The following TMEM150C variants were observed in gnomAD, a reference collection of about 807,000 sequenced individuals.
TMEM150C encodes the protein tentonin 3.
A neutral mutation model predicts 29.9 loss-of-function variants in TMEM150C; 10 were observed. The ratio of observed to expected loss-of-function variants is 0.33; its 90% confidence interval spans 0.21 to 0.57. TMEM150C has a LOEUF of 0.57. Ranked by LOEUF, TMEM150C falls within the 20% of genes least tolerant of loss-of-function variation. The pLI is 0.88. For missense variants in TMEM150C, 251 were observed against 303.6 expected (o/e 0.83, Z 1.29); for synonymous variants, 101 against 112.5 (o/e 0.90, Z 0.64).
At chr4:82,515,818 A>C (rs536655129) in intron 1 of TMEM150C, among the ~76,000 whole-genome samples, 23 of 152,052 alleles carry the variant, frequency 1.5e-4, no homozygotes, top group South Asian at 4.2e-4. Flanking sequence ...TAAGGCAAAA[A>C]CAAACAAACC....
intron 1 of TMEM150C, among the ~76,000 whole-genome samples, chr4:82,506,602 C>T (rs186098006): frequency 3.9e-5 from 6 of 152,232 alleles, no homozygotes; most frequent in South Asian, 4.2e-4. Context: ...CTAATGAATA[C>T]GACTATTTAT....
At chr4:82,540,892 C>T (rs1257116809) in intron 1 of TMEM150C, among the ~76,000 whole-genome samples, 1 of 152,160 alleles carries the variant, frequency 6.6e-6, no homozygotes, top group Non-Finnish European at 1.5e-5. Context: ...TTGTCATTAG[C>T]TCTAGTCACC....
chr4:82,486,566 C>T (rs998028381), intron 7 of TMEM150C, among the ~76,000 whole-genome samples: 1 of 151,808 alleles, frequency 6.6e-6, no homozygotes, highest in African/African-American at 2.4e-5. Flanking sequence ...AGTTTCATTC[C>T]TCGTATCACG....
chr4:82,559,939 A>T (rs754754966), intron 1 of TMEM150C, among the ~76,000 whole-genome samples: 4 of 152,160 alleles, frequency 2.6e-5, no homozygotes, highest in Non-Finnish European at 5.9e-5. Flanking sequence ...TGTACTAAAG[A>T]GGTGTGGGTC....
chr4:82,541,109 T>C (rs1725186777), intron 1 of TMEM150C, among the ~76,000 whole-genome samples: 1 of 152,202 alleles, frequency 6.6e-6, no homozygotes, highest in Admixed American at 6.5e-5. Context: ...AGTGCAGGGT[T>C]TGGCACATAC....
chr4:82,484,728 CTA>C lies in TMEM150C; in HGVS notation c.*781_*782del, dbSNP rs934942874. On this transcript the variant is annotated 3_prime_UTR_variant, in exon 8 of 8. Coordinates refer to ENST00000449862, the MANE Select transcript of TMEM150C (RefSeq NM_001080506.3). ...ACTCATGGTAGTTACTTAAAAGAAACTATGAAATATAAAACATTGTACATGGC... is the reference window on the plus strand; with the variant it reads ...ACTCATGGTAGTTACTTAAAAGAAACTGAAATATAAAACATTGTACATGGC... 6.6e-6 allele frequency: 1 copy of C among 152,174 alleles called. No homozygotes were observed. Among genetic ancestry groups the C allele is most frequent in the African/African-American group, 2.4e-5 (1 of 41,436 alleles). The allele number at this position is 152,174 out of a possible 1,614,324, so 9.4% of individuals were successfully genotyped here.
intron 1 of TMEM150C, among the ~76,000 whole-genome samples, chr4:82,550,397 C>T (rs1194325026): frequency 1.3e-5 from 2 of 152,100 alleles, no homozygotes; most frequent in South Asian, 2.1e-4. Flanking sequence ...CTTTATAGCA[C>T]TGTGAAAACA....
chr4:82,539,183 T>C (rs1725117394), intron 1 of TMEM150C, among the ~76,000 whole-genome samples: 1 of 152,182 alleles, frequency 6.6e-6, no homozygotes, highest in South Asian at 2.1e-4. Context: ...TTTTTCAAAC[T>C]CTTTTTCAAA....
rs571687452 is a variant in TMEM150C at position 82,486,096 on chromosome 4, G to T, written c.542-377C>A. 7.9e-5 allele frequency among the ~76,000 whole-genome samples: 12 copies of T among 152,048 alleles called. No individual in the cohort carries two copies. The South Asian group carries it at 2.3e-3, about 29-fold the overall frequency. ...CAAATGGGTAAGTAACTTGCCTGAG[G>T]TCACACAGGTATTAATTGGCTGAGC... On this transcript the variant is annotated intron_variant, in intron 7 of 7. Transcript: ENST00000449862.
At chr4:82,544,644 A>G (rs553735728) in intron 1 of TMEM150C, among the ~76,000 whole-genome samples, 12 of 152,266 alleles carry the variant, frequency 7.9e-5, no homozygotes, top group African/African-American at 2.9e-4. Flanking sequence ...CCAAGTGTGG[A>G]GGTGCACACC....
intron 2 of TMEM150C, 134 bp from the exon 3 acceptor site, chr4:82,503,246 A>G: frequency 3.0e-6 from 2 of 672,126 alleles, no homozygotes; most frequent in South Asian, 4.1e-5. Flanking sequence ...ACAATTCTTT[A>G]CCCATAGATC....
chr4:82,532,059 A>G (rs1477138841), intron 1 of TMEM150C, among the ~76,000 whole-genome samples: 1 of 152,230 alleles, frequency 6.6e-6, no homozygotes, highest in Non-Finnish European at 1.5e-5. Flanking sequence ...AATAGTTCAA[A>G]GAACAGTCAG....
intron 7 of TMEM150C, among the ~76,000 whole-genome samples, chr4:82,486,846 C>G (rs909122404): frequency 5.9e-5 from 9 of 151,742 alleles, no homozygotes; most frequent in African/African-American, 1.9e-4. Flanking sequence ...ATATACACAA[C>G]AGAATAAATG....
chr4:82,549,472 A>T (rs1259615953), intron 1 of TMEM150C, among the ~76,000 whole-genome samples: 2 of 152,172 alleles, frequency 1.3e-5, no homozygotes, highest in African/African-American at 4.8e-5. Flanking sequence ...GTAGGAGGAT[A>T]TGGGGAGTTG....
At chr4:82,507,868 C>T (rs1202524696) in intron 1 of TMEM150C, among the ~76,000 whole-genome samples, 1 of 150,706 alleles carries the variant, frequency 6.6e-6, no homozygotes, top group Non-Finnish European at 1.5e-5. Context: ...CCACCTCAGC[C>T]CCCAAGTAGC....
At chr4:82,527,764 C>T (rs1226472628) in intron 1 of TMEM150C, among the ~76,000 whole-genome samples, 1 of 152,142 alleles carries the variant, frequency 6.6e-6, no homozygotes, top group Non-Finnish European at 1.5e-5. Context: ...AGCTCAAATC[C>T]CTGTAAACTG....
intron 6 of TMEM150C, among the ~76,000 whole-genome samples, chr4:82,494,181 G>T (rs1451936369): frequency 6.6e-6 from 1 of 152,210 alleles, no homozygotes; most frequent in Non-Finnish European, 1.5e-5. Context: ...TGCCCTCAAG[G>T]AGGAAGTTTC....
At chr4:82,511,472 ATTTTTT>A (rs397935719) in intron 1 of TMEM150C, among the ~76,000 whole-genome samples, 1 of 106,390 alleles carries the variant, frequency 9.4e-6, no homozygotes, top group South Asian at 3.1e-4. Flanking sequence ...TCCCAACACT[ATTTTTT>A]TTTTTTTTTT....
intron 1 of TMEM150C, among the ~76,000 whole-genome samples, chr4:82,548,005 C>T (rs149859807): frequency 9.2e-5 from 14 of 152,254 alleles, no homozygotes; most frequent in African/African-American, 2.4e-4. Context: ...ATATACACCA[C>T]GGAATACTAT....
Sources: gnomAD v4.1 joint callset for allele counts (sites outside exome capture counted in the v4.1 genomes callset) on GRCh38, gnomAD v4.1.1 for gene constraint, MANE v1.5 for transcripts, NCBI Gene and HGNC (gene_info 2026-07-23, HGNC 2026-07-21) for gene names.